Variants in RGS17 observed in about 807,000 individuals in gnomAD.
The protein encoded by RGS17 is regulator of G protein signaling 17.
A neutral mutation model predicts 25.5 loss-of-function variants in RGS17; 12 were observed. The observed-to-expected ratio is 0.47, with a 90% CI of 0.30 to 0.76. The LOEUF (loss-of-function observed/expected upper bound fraction) is 0.76. RGS17 is among the 30% of genes least tolerant of loss of function. The probability of loss-of-function intolerance (pLI) is 0.07; values close to 1 mark genes in which losing one functional copy is unlikely to be tolerated. For synonymous variants in RGS17, 71 were observed against 76.9 expected, an observed-to-expected ratio of 0.92 and a Z score of 0.40; for missense variants, 196 against 242.2, an observed-to-expected ratio of 0.81 and a Z score of 1.27.
At chr6:153,040,995 TAAAA>T (rs71017569) in intron 2 of RGS17, among the ~76,000 whole-genome samples, 4 of 122,166 alleles carry the variant, frequency 3.3e-5, no homozygotes, top group African/African-American at 3.0e-5. Flanking sequence ...CTGACTCCAC[TAAAA>T]AAAAAAAAAA....
chr6:153,018,307 G>C (rs1305046227), intron 4 of RGS17, among the ~76,000 whole-genome samples: 2 of 152,078 alleles, frequency 1.3e-5, no homozygotes, highest in Non-Finnish European at 2.9e-5. Flanking sequence ...ATTTGGAAAA[G>C]CACCACATTT....
chr6:153,012,912 G>A (rs1779148550), intron 4 of RGS17, among the ~76,000 whole-genome samples: 1 of 151,954 alleles, frequency 6.6e-6, no homozygotes, highest in Non-Finnish European at 1.5e-5. Context: ...GTGTCCCCAG[G>A]TTCCTGACCT....
intron 1 of RGS17, among the ~76,000 whole-genome samples, chr6:153,096,602 CAA>C (rs939827601): frequency 2.6e-5 from 4 of 152,076 alleles, no homozygotes; most frequent in African/African-American, 9.7e-5. Flanking sequence ...CCTTCCAATT[CAA>C]AGACTGTCAC....
At chr6:153,020,055 T>C (rs1173940176) in intron 4 of RGS17, among the ~76,000 whole-genome samples, 2 of 137,702 alleles carry the variant, frequency 1.5e-5, no homozygotes, top group African/African-American at 5.3e-5. Context: ...AAATGTACAC[T>C]ATACCAAGAA....
At chr6:153,086,898 C>T (rs1051950971) in intron 1 of RGS17, among the ~76,000 whole-genome samples, 1 of 152,082 alleles carries the variant, frequency 6.6e-6, no homozygotes, top group Non-Finnish European at 1.5e-5. Flanking sequence ...ATAATTTACA[C>T]TTTTTTTGGT....
intron 1 of RGS17, among the ~76,000 whole-genome samples, chr6:153,120,604 T>C (rs565362033): frequency 6.2e-4 from 95 of 152,162 alleles, no homozygotes; most frequent in Non-Finnish European, 1.2e-3. Context: ...GCCTGTCCCA[T>C]AGCACAGCTC....
At chr6:153,065,281 A>G (rs1407813703) in intron 1 of RGS17, among the ~76,000 whole-genome samples, 3 of 152,192 alleles carry the variant, frequency 2.0e-5, no homozygotes, top group African/African-American at 7.2e-5. Flanking sequence ...CCAACCAGAA[A>G]TAAATAAAAC....
intron 1 of RGS17, among the ~76,000 whole-genome samples, chr6:153,052,848 G>A (rs924033110): frequency 5.9e-5 from 9 of 152,018 alleles, no homozygotes; most frequent in South Asian, 2.1e-4. Context: ...GCCTATGGAC[G>A]GGGTCATTAG....
chr6:153,108,234 A>G (rs780866157), intron 1 of RGS17, among the ~76,000 whole-genome samples: 9 of 152,238 alleles, frequency 5.9e-5, no homozygotes, highest in Non-Finnish European at 1.3e-4. Context: ...AAATTGCTGC[A>G]TTCCATCTTA....
intron 1 of RGS17, among the ~76,000 whole-genome samples, chr6:153,081,184 G>A (rs1347547797): frequency 6.6e-6 from 1 of 151,778 alleles, no homozygotes; most frequent in Non-Finnish European, 1.5e-5. Flanking sequence ...CCAATTATTC[G>A]GAAAGGAATG....
chr6:153,121,934 C>T (rs914068836), intron 1 of RGS17, among the ~76,000 whole-genome samples: 4 of 152,062 alleles, frequency 2.6e-5, no homozygotes, highest in Non-Finnish European at 5.9e-5. Context: ...CCCAGATGTT[C>T]AGTCAATGAA....
chr6:153,027,973 A>G (rs1319881096), intron 2 of RGS17, among the ~76,000 whole-genome samples: 1 of 152,206 alleles, frequency 6.6e-6, no homozygotes, highest in African/African-American at 2.4e-5. Flanking sequence ...TTTCATTCTC[A>G]AGTGCAAGCG....
chr6:153,076,604 G>T (rs982611452), intron 1 of RGS17, among the ~76,000 whole-genome samples: 1 of 152,212 alleles, frequency 6.6e-6, no homozygotes, highest in Non-Finnish European at 1.5e-5. Flanking sequence ...GTGAGCCAAG[G>T]GCATCTTGTG....
At chr6:153,040,942 G>GAGTC (rs1776314086) in intron 2 of RGS17, among the ~76,000 whole-genome samples, 2 of 149,846 alleles carry the variant, frequency 1.3e-5, no homozygotes, top group African/African-American at 4.9e-5. Flanking sequence ...AGGATTGCTT[G>GAGTC]AGCCCAGGAG....
chr6:153,106,933 T>C (rs28642896), intron 1 of RGS17, among the ~76,000 whole-genome samples: 70,834 of 151,766 alleles, frequency 0.47, 17,168 homozygotes, highest in East Asian at 0.85. Context: ...CGTGCCTGGC[T>C]GTATGTATAA....
chr6:153,058,485 C>A (rs1220509600), intron 1 of RGS17, among the ~76,000 whole-genome samples: 1 of 152,186 alleles, frequency 6.6e-6, no homozygotes, highest in Non-Finnish European at 1.5e-5. Context: ...TCATAGTACC[C>A]ACAATCAACT....
At chr6:153,098,280 T>C (rs901099642) in intron 1 of RGS17, among the ~76,000 whole-genome samples, 2 of 152,108 alleles carry the variant, frequency 1.3e-5, no homozygotes, top group African/African-American at 4.8e-5. Flanking sequence ...GTGGCTTATA[T>C]AAGGGGAGAG....
intron 1 of RGS17, among the ~76,000 whole-genome samples, chr6:153,048,254 C>A (rs1293989975): frequency 2.0e-5 from 3 of 152,182 alleles, no homozygotes; most frequent in Non-Finnish European, 2.9e-5. Context: ...TCATCCTTCT[C>A]ATTTTTCACA....
At chr6:153,087,419 A>G (rs1191219634) in intron 1 of RGS17, among the ~76,000 whole-genome samples, 3 of 152,240 alleles carry the variant, frequency 2.0e-5, no homozygotes, top group Non-Finnish European at 4.4e-5. Flanking sequence ...TATCGAATCT[A>G]TATCCTCTAA....
Sources: allele counts gnomAD v4.1 joint callset (sites outside exome capture counted in the v4.1 genomes callset), GRCh38; gene constraint gnomAD v4.1.1; transcripts MANE v1.5; gene names NCBI Gene and HGNC (gene_info 2026-07-23, HGNC 2026-07-21).